Variants in ADCY3 observed in about 807,000 individuals in gnomAD.
The protein encoded by ADCY3 is adenylate cyclase type 3.
Under a neutral mutation model 119.4 loss-of-function variants are expected in ADCY3, and 70 were observed. That is an observed-to-expected ratio of 0.59 (90% CI 0.48 to 0.72). The LOEUF (loss-of-function observed/expected upper bound fraction) is 0.72. Ranked by LOEUF, ADCY3 falls within the 30% of genes least tolerant of loss-of-function variation. The pLI is 0.00. For missense variants in ADCY3, 1,238 were observed against 1,541.6 expected, an observed-to-expected ratio of 0.80 and a Z score of 3.30; for synonymous variants, 672 against 621.4, an observed-to-expected ratio of 1.08 and a Z score of -1.21.
intron 3 of ADCY3, among the ~76,000 whole-genome samples, chr2:24,846,701 C>T (rs2148620541): frequency 6.6e-6 from 1 of 152,128 alleles, no homozygotes; most frequent in South Asian, 2.1e-4. Context: ...GCTTCAGCCT[C>T]CTGAGTAGCT....
chr2:24,834,850 C>G lies in ADCY3; in HGVS notation c.1749G>C (p.Glu583Asp). ...CGTTGAGCAGCTGGTTGAGCTCGTG[C>G]TCATCTTCAGAGGCATCCACCACTC... ...ADRVVDASED[E>D]HELNQLLNEA... The change falls in exon 10 of 22, where the codon GAG (glutamate) becomes GAC (aspartate). Residue 583 changes from glutamate to aspartate, a missense_variant. Glu to Asp is a conservative substitution (Grantham distance 45). Transcript: ENST00000679454. The surrounding 1 kb of genome is among the most constrained non-coding windows in gnomAD (Gnocchi z 4.2). The G allele has an allele frequency of 6.2e-7, 1 of 1,613,978 alleles. No individual in the cohort carries two copies. The highest frequency in any genetic ancestry group is 8.5e-7 in the Non-Finnish European group (1 of 1,180,024).
chr2:24,819,303 G>A lies in ADCY3; in HGVS notation c.*629C>T, dbSNP rs1354889064. 1 of 152,634 alleles carries A rather than the reference G, an allele frequency of 6.6e-6. No individual in the cohort carries two copies. Among genetic ancestry groups the A allele is most frequent in the East Asian group, 1.9e-4 (1 of 5,202 alleles). 9.5% of individuals were successfully genotyped at this position (152,634 alleles called of 1,614,324 possible). The stretch of plus-strand genomic sequence containing the variant: ...GCAATATCGGAAAGTGTATTTAACA[G>A]AAGATTAAAAATATAAATGTAGAAG... On this transcript the variant is annotated 3_prime_UTR_variant, in exon 22 of 22. Coordinates refer to ENST00000679454, the MANE Select transcript of ADCY3 (RefSeq NM_004036.5).
intron 6 of ADCY3, among the ~76,000 whole-genome samples, chr2:24,840,284 G>T (rs774984749): frequency 1.3e-4 from 20 of 152,218 alleles, no homozygotes; most frequent in Non-Finnish European, 2.4e-4. Flanking sequence ...AGGGGCCTCA[G>T]TTTCTCTCTG....
chr2:24,871,378 C>T (rs900950078), intron 3 of ADCY3, among the ~76,000 whole-genome samples: 3 of 152,204 alleles, frequency 2.0e-5, no homozygotes, highest in Non-Finnish European at 4.4e-5. Flanking sequence ...GGACCTTTGT[C>T]ACAATGGCAG....
Position 24,918,213 on chromosome 2 carries a change from A to G in ADCY3, c.675+100T>C. On this transcript the variant is annotated intron_variant, in intron 2 of 21. Transcript: ENST00000679454. The surrounding 1 kb of genome is among the most constrained non-coding windows in gnomAD (Gnocchi z 5.4). ...AGAGCCCCGGAGGCCCCCAGGACAC[A>G]TTTTGACTCAAAGGCAAAGCAAACA... is the stretch of plus-strand genomic sequence containing the variant. 1 of 1,374,860 alleles carries G rather than the reference A, an allele frequency of 7.3e-7. No individual in the cohort carries two copies. 85.2% of individuals were successfully genotyped at this position (1,374,860 alleles called of 1,614,324 possible).
intron 3 of ADCY3, among the ~76,000 whole-genome samples, chr2:24,843,871 G>C (rs1671352004): frequency 6.6e-6 from 1 of 152,240 alleles, no homozygotes; most frequent in African/African-American, 2.4e-5. Flanking sequence ...GCGAAGCCAG[G>C]GACCAGAGGC....
At position 24,841,940 on chromosome 2, in the gene ADCY3, C is replaced by T. The variant is rs890565425; in HGVS notation, c.957-273G>A. Among the ~76,000 whole-genome samples, 1 of 152,208 alleles carries T rather than the reference C, an allele frequency of 6.6e-6. No individual in the cohort carries two copies. The highest frequency in any genetic ancestry group is 2.4e-5 in the African/African-American group (1 of 41,446). On this transcript the variant is annotated intron_variant, in intron 4 of 21. Transcript: ENST00000679454. This position sits in a 1 kb window ranked among gnomAD's most constrained non-coding sequence, Gnocchi z 5.8. ...CCACTCCTGCCCAGGCTGAACTCAT[C>T]CTTCTTCCTAGAATCACAGGTCAGG...
intron 2 of ADCY3, among the ~76,000 whole-genome samples, chr2:24,916,863 G>A (rs929142887): frequency 2.0e-5 from 3 of 152,202 alleles, no homozygotes; most frequent in East Asian, 3.9e-4. Flanking sequence ...CTGCTCTCAG[G>A]CAGCTCTCAG....
chr2:24,869,045 G>A (rs973345465), intron 3 of ADCY3, among the ~76,000 whole-genome samples: 1 of 152,000 alleles, frequency 6.6e-6, no homozygotes, highest in Non-Finnish European at 1.5e-5. Flanking sequence ...ATAAATCAGA[G>A]ATAAGAAATG....
chr2:24,857,620 T>G (rs906607020), intron 3 of ADCY3, among the ~76,000 whole-genome samples: 2 of 152,208 alleles, frequency 1.3e-5, no homozygotes, highest in Non-Finnish European at 2.9e-5. Flanking sequence ...TCTAGAACAC[T>G]GTAGTCACAA....
Position 24,842,234 on chromosome 2 carries a change from C to T in ADCY3, c.956+20G>A, listed in dbSNP as rs373539536. 1.1e-5 allele frequency: 17 copies of T among 1,613,466 alleles called. No individual in the cohort carries two copies. The highest frequency in any genetic ancestry group is 8.9e-5 in the East Asian group (4 of 44,880). On this transcript the variant is annotated intron_variant, in intron 4 of 21. Transcript: ENST00000679454. This position sits in a 1 kb window ranked among gnomAD's most constrained non-coding sequence, Gnocchi z 4.9. ...CACAGCCTGCTCTGCCATCAGAGCC[C>T]GCGCCCCGGGCCGGCGTACCTGACG...
intron 21 of ADCY3, chr2:24,820,384 C>G: frequency 7.6e-7 from 1 of 1,315,940 alleles, no homozygotes; most frequent in Non-Finnish European, 9.6e-7. Context: ...GCACTGTTAC[C>G]TGGAAACTGC....
intron 2 of ADCY3, among the ~76,000 whole-genome samples, chr2:24,911,217 C>CTTTTT (rs61442701): frequency 5.8e-4 from 54 of 93,466 alleles, no homozygotes; most frequent in Non-Finnish European, 6.6e-4. Context: ...TATAAGGGTT[C>CTTTTT]TTTTTTTTTT....
chr2:24,826,353 C>G (rs527728507), intron 15 of ADCY3: 1 of 533,746 alleles, frequency 1.9e-6, no homozygotes, highest in East Asian at 3.2e-5. Context: ...CCTGGCTGCA[C>G]CTGGTATTCA....
chr2:24,914,635 A>G (rs531365142), intron 2 of ADCY3, among the ~76,000 whole-genome samples: 105 of 150,490 alleles, frequency 7.0e-4, no homozygotes, highest in Non-Finnish European at 1.3e-3. Flanking sequence ...AGACTGTGCC[A>G]TTGCACTCCA....
In ADCY3 at chr2:24,841,708, C is replaced by G; in HGVS notation, c.957-41G>C. The G allele has an allele frequency of 6.6e-7, 1 of 1,510,876 alleles. No homozygotes were observed. The highest frequency in any genetic ancestry group is 9.2e-7 in the Non-Finnish European group (1 of 1,092,522). The allele number at this position is 1,510,876 out of a possible 1,614,324, so 93.6% of individuals were successfully genotyped here. ...ACCGTGGGGGTGACGCTCCAGGCAG[C>G]CAGGTGTACCCGACCCCACTGCCAG... On this transcript the variant is annotated intron_variant, in intron 4 of 21. Coordinates refer to ENST00000679454, the MANE Select transcript of ADCY3 (RefSeq NM_004036.5). The surrounding 1 kb of genome is among the most constrained non-coding windows in gnomAD (Gnocchi z 5.8).
intron 2 of ADCY3, among the ~76,000 whole-genome samples, chr2:24,884,067 C>A (rs1209753496): frequency 6.6e-6 from 1 of 152,194 alleles, no homozygotes; most frequent in African/African-American, 2.4e-5. Context: ...GCAATTCCCT[C>A]TTCCCTACAG....
intron 3 of ADCY3, among the ~76,000 whole-genome samples, chr2:24,843,510 T>G (rs74528305): frequency 0.058 from 8,888 of 152,332 alleles, 352 homozygotes; most frequent in East Asian, 0.089. Context: ...CACCCAGCCA[T>G]GCTCATTTGT....
chr2:24,830,938 G>T, intron 12 of ADCY3, 113 bp from the exon 13 acceptor site: 1 of 821,012 alleles, frequency 1.2e-6, no homozygotes, highest in East Asian at 2.5e-5. Flanking sequence ...GCCTCAAAAC[G>T]GACTCTGCCT....
Sources: gnomAD v4.1 joint callset for allele counts (sites outside exome capture counted in the v4.1 genomes callset) on GRCh38, gnomAD v4.1.1 for gene constraint, Gnocchi (gnomAD v3.1) non-coding constraint, MANE v1.5 for transcripts, NCBI Gene and HGNC (gene_info 2026-07-23, HGNC 2026-07-21) for gene names.